TRIM16: variants seen among roughly 807,000 people sequenced by gnomAD.
TRIM16 encodes tripartite motif-containing protein 16.
In TRIM16, 33 loss-of-function variants were observed where a neutral mutation model predicts 50.4. The observed-to-expected ratio is 0.65, with a 90% confidence interval of 0.50 to 0.88. The LOEUF (loss-of-function observed/expected upper bound fraction) is 0.88, where lower values mean the gene tolerates loss of function less well. Ranked by LOEUF, TRIM16 falls within the 40% of genes least tolerant of loss-of-function variation. The pLI is 0.00. For missense variants in TRIM16, 581 were observed against 686.8 expected (o/e 0.85, Z 1.72); for synonymous variants, 229 against 270.7 (o/e 0.85, Z 1.51).
intron 7 of TRIM16, among the ~76,000 whole-genome samples, chr17:15,644,258 T>C (rs1178145784): frequency 6.6e-6 from 1 of 152,200 alleles, no homozygotes; most frequent in African/African-American, 2.4e-5. Context: ...CGATCTCGAC[T>C]CACTGCAACC....
At position 15,641,594 on chromosome 17, in the gene TRIM16, A is replaced by G. The variant is rs143521627; in HGVS notation, c.615+1127T>C. ...GTTATCTTGAGCCTGGAAATCCATT[A>G]TCTCTGAAGGTTTATAAGGCTTTAA... On this transcript the variant is annotated intron_variant, in intron 8 of 11. Coordinates refer to ENST00000649191, the MANE Select transcript of TRIM16 (RefSeq NM_001348119.1). 5.2e-3 allele frequency among the ~76,000 whole-genome samples: 773 copies of G among 149,374 alleles called. 64 individuals are homozygous for G. The highest frequency in any genetic ancestry group is 0.018 in the African/African-American group (728 of 40,414).
chr17:15,635,285 T>G lies in TRIM16; in HGVS notation c.849+751A>C, dbSNP rs1384117452. On this transcript the variant is annotated intron_variant, in intron 9 of 11. Transcript: ENST00000649191. Reference sequence around the variant, plus strand: ...GGATGTGAAGAGCTGTTAACAGAGCTGTTTTCTGACAGATTCAGGATGTTG... The same window carrying G: ...GGATGTGAAGAGCTGTTAACAGAGCGGTTTTCTGACAGATTCAGGATGTTG... Among the ~76,000 whole-genome samples, 2 of 148,420 alleles carry G rather than the reference T, an allele frequency of 1.3e-5. 1 individual carries two copies. Among genetic ancestry groups the G allele is most frequent in the Non-Finnish European group, 3.0e-5 (2 of 66,992 alleles).
At chr17:15,632,742 T>G (rs1412723850) in intron 9 of TRIM16, 68 bp from the exon 10 acceptor site, 10 of 1,453,656 alleles carry the variant, frequency 6.9e-6, no homozygotes, top group Non-Finnish European at 8.2e-6. Flanking sequence ...TCTCTCCTCA[T>G]TAAGTCACTT....
intron 6 of TRIM16, among the ~76,000 whole-genome samples, chr17:15,665,325 C>G (rs1324288710): frequency 6.6e-6 from 1 of 151,910 alleles, no homozygotes. Context: ...CTGGCTAACC[C>G]AGTGAAACCC....
chr17:15,683,047 A>G lies in TRIM16; in HGVS notation c.-788T>C. 6.4e-7 allele frequency: 1 copy of G among 1,550,434 alleles called. No homozygotes were observed. Among genetic ancestry groups the G allele is most frequent in the East Asian group, 2.4e-5 (1 of 40,910 alleles). The stretch of plus-strand genomic sequence containing the variant: ...TTTCTATTTCTTACCTCTGTTCTGG[A>G]GTTTGCAGGTCCAATCCTCCATAAT... On this transcript the variant is annotated 5_prime_UTR_variant, in exon 2 of 12. Transcript: ENST00000649191.
rs917542275 is a variant in TRIM16, at chr17:15,640,269, C to T, written c.615+2452G>A. On this transcript the variant is annotated intron_variant, in intron 8 of 11. Transcript: ENST00000649191. ...CTCCCTCTGGGCCCTGGCACATTCA[C>T]TAGGATGAGCTGGGGAGGTACAATG... Among the ~76,000 whole-genome samples the T allele has an allele frequency of 7.4e-5, 11 of 148,014 alleles. 1 individual carries two copies. Among genetic ancestry groups the T allele is most frequent in the Non-Finnish European group, 1.6e-4 (11 of 66,808 alleles).
At chr17:15,642,895 A>G (rs1300267350) in intron 7 of TRIM16, 79 bp from the exon 8 acceptor site, 8 of 428,686 alleles carry the variant, frequency 1.9e-5, no homozygotes, top group Non-Finnish European at 3.1e-5. Context: ...CAGCCCTGAC[A>G]TCCCCGCCCT....
intron 9 of TRIM16, among the ~76,000 whole-genome samples, chr17:15,633,833 C>T (rs1336493106): frequency 6.6e-6 from 1 of 151,026 alleles, no homozygotes; most frequent in African/African-American, 2.4e-5. Flanking sequence ...AGCCACCGTG[C>T]CCGGCCAATA....
intron 6 of TRIM16, chr17:15,658,810 G>A: frequency 2.4e-5 from 24 of 985,438 alleles, no homozygotes; most frequent in Non-Finnish European, 2.8e-5. Flanking sequence ...ACCTGGAGGT[G>A]CAGGCCCAAT....
At chr17:15,678,867 T>G (rs1989056673) in intron 4 of TRIM16, among the ~76,000 whole-genome samples, 1 of 130,438 alleles carries the variant, frequency 7.7e-6, no homozygotes, top group East Asian at 2.4e-4. Context: ...ACTGGAGAAA[T>G]GCAGACTCTC....
At chr17:15,675,619 G>C (rs918069860) in intron 6 of TRIM16, 10 of 176,516 alleles carry the variant, frequency 5.7e-5, no homozygotes, top group African/African-American at 2.2e-4. Flanking sequence ...CCCAGCATCA[G>C]AGGGTTCATA....
At chr17:15,645,228 G>A (rs570094624) in intron 7 of TRIM16, among the ~76,000 whole-genome samples, 1 of 152,316 alleles carries the variant, frequency 6.6e-6, no homozygotes, top group East Asian at 1.9e-4. Context: ...ACGAGATAAC[G>A]TATGTCAATA....
Position 15,651,362 on chromosome 17 carries a change from T to C in TRIM16, c.248A>G (p.Asp83Gly). 1 of 1,614,192 alleles carries C rather than the reference T, an allele frequency of 6.2e-7. No homozygotes were observed. The change falls in exon 7 of 12, where the codon GAC becomes GGC. Residue 83 changes from aspartate (D) to glycine (G), a missense_variant. Around this residue, in one of 3 missense-constraint regions of TRIM16, gnomAD observed 450 missense variants for 544.3 expected, o/e 0.83. Transcript: ENST00000649191. ...KEVLCDFCLD[D>G]TRRVKAVKSC... ...CTTCACTGCCTTCACTCTTCTGGTG[T>C]CATCAAGGCAGAAGTCACACAGGAC...
chr17:15,680,879 T>C lies in TRIM16; in HGVS notation c.-604A>G. 1 of 1,546,544 alleles carries C rather than the reference T, an allele frequency of 6.5e-7. No homozygotes were observed. The highest frequency in any genetic ancestry group is 8.7e-7 in the Non-Finnish European group (1 of 1,146,042). On this transcript the variant is annotated 5_prime_UTR_variant, in exon 4 of 12. Coordinates refer to ENST00000649191, the MANE Select transcript of TRIM16 (RefSeq NM_001348119.1). ...CCCCAACTCACCTGGGACTCTGCTG[T>C]CCGGCAAAGAGCAGCCATATTTTCC...
At chr17:15,629,286 A>C in intron 11 of TRIM16, 88 bp from the exon 12 acceptor site, 1 of 735,424 alleles carries the variant, frequency 1.4e-6, no homozygotes. Context: ...GCTCCAAAGC[A>C]CATATGAGAA....
intron 6 of TRIM16, among the ~76,000 whole-genome samples, chr17:15,668,551 C>T (rs1416647071): frequency 3.9e-5 from 6 of 152,184 alleles, no homozygotes; most frequent in South Asian, 4.1e-4. Context: ...CGTCATTCCC[C>T]CTCTTCCTCA....
intron 6 of TRIM16, among the ~76,000 whole-genome samples, chr17:15,666,883 G>C (rs143452816): frequency 0.02 from 3,094 of 152,312 alleles, 117 homozygotes; most frequent in African/African-American, 0.071. Flanking sequence ...CCTTTTACCA[G>C]CCTACCTGGC....
At chr17:15,677,530 A>G in intron 5 of TRIM16, 45 bp downstream of exon 5, 1 of 1,032,608 alleles carries the variant, frequency 9.7e-7, no homozygotes, top group Middle Eastern at 2.9e-4. Flanking sequence ...TAGAAGGCAA[A>G]GGTATCCTGA....
At chr17:15,641,273 A>C (rs976605361) in intron 8 of TRIM16, among the ~76,000 whole-genome samples, 6 of 147,854 alleles carry the variant, frequency 4.1e-5, no homozygotes, top group Non-Finnish European at 8.9e-5. Flanking sequence ...GCCTCAATAC[A>C]TTCAAGGAGC....
Sources: gnomAD v4.1 joint callset for allele counts (sites outside exome capture counted in the v4.1 genomes callset) on GRCh38, gnomAD v4.1.1 for gene constraint, gnomAD v4.1.1 regional missense constraint, MANE v1.5 for transcripts, NCBI Gene and HGNC (gene_info 2026-07-23, HGNC 2026-07-21) for gene names.